The following NALF1 variants were observed in gnomAD, a reference collection of about 807,000 sequenced individuals.
NALF1 encodes NALCN channel auxiliary factor 1.
A neutral mutation model predicts 48.4 loss-of-function variants in NALF1; 3 were observed. That is an observed-to-expected ratio of 0.06 (90% CI 0.03 to 0.16). The LOEUF is 0.16. Among genes scored for constraint, NALF1 ranks in the 10% least tolerant of loss-of-function variants. NALF1 has a pLI of 1.00. For missense variants in NALF1, 526 were observed against 571.5 expected, an observed-to-expected ratio of 0.92 and a Z score of 0.81; for synonymous variants, 262 against 245.7, an observed-to-expected ratio of 1.07 and a Z score of -0.62.
intron 2 of NALF1, among the ~76,000 whole-genome samples, chr13:107,207,369 A>T (rs1266187549): frequency 6.6e-6 from 1 of 152,224 alleles, no homozygotes; most frequent in African/African-American, 2.4e-5. Context: ...TAAACTATTT[A>T]AAAATCCGTG....
chr13:107,819,310 C>T (rs1291928924), intron 1 of NALF1, among the ~76,000 whole-genome samples: 1 of 152,182 alleles, frequency 6.6e-6, no homozygotes, highest in Non-Finnish European at 1.5e-5. Context: ...GGCACATAAA[C>T]AACAGGCACT....
intron 1 of NALF1, among the ~76,000 whole-genome samples, chr13:107,847,245 A>G (rs1234241814): frequency 6.6e-6 from 1 of 152,188 alleles, no homozygotes; most frequent in African/African-American, 2.4e-5. Flanking sequence ...TTTATCAAAC[A>G]TTTCTCTTTG....
intron 1 of NALF1, among the ~76,000 whole-genome samples, chr13:107,507,957 T>A (rs1424431704): frequency 6.6e-6 from 1 of 152,166 alleles, no homozygotes; most frequent in Non-Finnish European, 1.5e-5. Context: ...TGCTAGCCCT[T>A]TCTGCTCCGA....
At chr13:107,339,860 G>A (rs144863897) in intron 1 of NALF1, among the ~76,000 whole-genome samples, 1 of 152,238 alleles carries the variant, frequency 6.6e-6, no homozygotes, top group East Asian at 1.9e-4. Context: ...AGTCCTGTGA[G>A]CAATAGAAAT....
intron 1 of NALF1, among the ~76,000 whole-genome samples, chr13:107,496,443 A>G (rs866254369): frequency 6.6e-6 from 1 of 152,274 alleles, no homozygotes; most frequent in South Asian, 2.1e-4. Flanking sequence ...GCTATTGCTG[A>G]GACGGTGTTT....
intron 1 of NALF1, among the ~76,000 whole-genome samples, chr13:107,726,670 C>T (rs190171155): frequency 7.5e-5 from 11 of 146,702 alleles, no homozygotes; most frequent in South Asian, 6.5e-4. Context: ...AGTGCAGTGG[C>T]GCTATCTCTG....
intron 2 of NALF1, among the ~76,000 whole-genome samples, chr13:107,171,628 C>A (rs1878806391): frequency 6.6e-6 from 1 of 152,164 alleles, no homozygotes; most frequent in South Asian, 2.1e-4. Flanking sequence ...TTGACAGATG[C>A]ATATTTTAAA....
intron 1 of NALF1, among the ~76,000 whole-genome samples, chr13:107,494,284 G>C (rs1030064274): frequency 3.3e-5 from 5 of 152,102 alleles, no homozygotes; most frequent in Admixed American, 3.3e-4. Context: ...ACACCAAAAG[G>C]CAGGTAGACA....
At chr13:107,350,135 A>G (rs549663345) in intron 1 of NALF1, among the ~76,000 whole-genome samples, 1 of 152,146 alleles carries the variant, frequency 6.6e-6, no homozygotes. Flanking sequence ...ACCTCTTGCT[A>G]TGCGGCCCAG....
intron 1 of NALF1, among the ~76,000 whole-genome samples, chr13:107,498,384 G>A (rs1875408054): frequency 6.6e-6 from 1 of 152,082 alleles, no homozygotes; most frequent in Non-Finnish European, 1.5e-5. Flanking sequence ...AATTTATGTT[G>A]GGGAAAATAA....
At chr13:107,679,411 A>G (rs981223309) in intron 1 of NALF1, among the ~76,000 whole-genome samples, 1 of 152,202 alleles carries the variant, frequency 6.6e-6, no homozygotes, top group African/African-American at 2.4e-5. Context: ...ATATTTGTCA[A>G]AGAAGCGAGT....
chr13:107,203,605 C>A (rs532855198), intron 2 of NALF1, among the ~76,000 whole-genome samples: 1 of 125,080 alleles, frequency 8.0e-6, no homozygotes, highest in Non-Finnish European at 1.8e-5. Context: ...TGCTGTGCTC[C>A]ATCCCCGTGG....
intron 1 of NALF1, among the ~76,000 whole-genome samples, chr13:107,699,792 A>G (rs1881778851): frequency 6.6e-6 from 1 of 152,118 alleles, no homozygotes; most frequent in Admixed American, 6.5e-5. Context: ...CACACAAAAA[A>G]ACTGTTAGAA....
chr13:107,638,719 G>T (rs1432453119), intron 1 of NALF1, among the ~76,000 whole-genome samples: 1 of 152,148 alleles, frequency 6.6e-6, no homozygotes, highest in Non-Finnish European at 1.5e-5. Flanking sequence ...GCTGGTACCT[G>T]AATCATTCAG....
intron 1 of NALF1, among the ~76,000 whole-genome samples, chr13:107,573,813 G>C (rs1878056859): frequency 6.6e-6 from 1 of 152,072 alleles, no homozygotes; most frequent in Admixed American, 6.6e-5. Flanking sequence ...GTGCTCTCTT[G>C]CCTGCTGCCA....
intron 1 of NALF1, among the ~76,000 whole-genome samples, chr13:107,817,801 G>A (rs1594289199): frequency 6.6e-6 from 1 of 152,006 alleles, no homozygotes; most frequent in Non-Finnish European, 1.5e-5. Context: ...CCCTCTCTTT[G>A]TGAGTCCTAA....
At chr13:107,504,071 G>A (rs1025258551) in intron 1 of NALF1, among the ~76,000 whole-genome samples, 3 of 151,638 alleles carry the variant, frequency 2.0e-5, no homozygotes, top group Non-Finnish European at 2.9e-5. Context: ...GGCCAACATC[G>A]TGAAATCCTG....
rs564606588 is a variant in NALF1, at chr13:107,773,260, T to C, written c.915+92422A>G. On this transcript the variant is annotated intron_variant, in intron 1 of 2. Transcript: ENST00000375915. ...ACTTTCAATTTTCTCATCAGAAATA[T>C]GAACTGAAGCAAAGATAGTACTAGC... 6.6e-5 allele frequency among the ~76,000 whole-genome samples: 10 copies of C among 152,314 alleles called. No homozygotes were observed. In the South Asian group the frequency reaches 1.5e-3, roughly 22 times the overall value.
At chr13:107,408,237 A>T (rs1883932603) in intron 1 of NALF1, among the ~76,000 whole-genome samples, 1 of 152,066 alleles carries the variant, frequency 6.6e-6, no homozygotes, top group African/African-American at 2.4e-5. Context: ...AAAATAATTT[A>T]ATTGTAGATT....
Sources: allele counts gnomAD v4.1 joint callset (sites outside exome capture counted in the v4.1 genomes callset), GRCh38; gene constraint gnomAD v4.1.1; transcripts MANE v1.5; gene names NCBI Gene and HGNC (gene_info 2026-07-23, HGNC 2026-07-21).